The following MTHFS variants were observed in gnomAD, a reference collection of about 807,000 sequenced individuals.
MTHFS encodes the protein methenyltetrahydrofolate synthetase.
Under a neutral mutation model 12.7 loss-of-function variants are expected in MTHFS, and 7 were observed. The ratio of observed to expected loss-of-function variants is 0.55; its 90% confidence interval spans 0.31 to 1.03. The LOEUF (loss-of-function observed/expected upper bound fraction) is 1.03. Among genes scored for constraint, MTHFS ranks in the 50% least tolerant of loss-of-function variants. The pLI, the probability that MTHFS is intolerant of heterozygous loss-of-function variation, is 0.05. For missense variants in MTHFS, 252 were observed against 258.1 expected (o/e 0.98, Z 0.16); for synonymous variants, 100 against 97.1 (o/e 1.03, Z -0.18).
intron 2 of MTHFS, among the ~76,000 whole-genome samples, chr15:79,866,240 T>G (rs2034008742): frequency 6.6e-6 from 1 of 152,178 alleles, no homozygotes; most frequent in Non-Finnish European, 1.5e-5. Flanking sequence ...AGAAGATAAC[T>G]ATTTGAGTTC....
intron 2 of MTHFS, among the ~76,000 whole-genome samples, chr15:79,851,931 T>C (rs912958056): frequency 1.3e-5 from 2 of 152,220 alleles, no homozygotes; most frequent in Non-Finnish European, 2.9e-5. Context: ...GCACTACCAC[T>C]TATTAGCTAT....
In MTHFS at chr15:79,844,652, A is replaced by G. The variant is rs945015447; in HGVS notation, c.*558T>C. Among the ~76,000 whole-genome samples, 1 of 152,212 alleles carries G rather than the reference A, an allele frequency of 6.6e-6. No homozygotes were observed. The highest frequency in any genetic ancestry group is 6.5e-5 in the Admixed American group (1 of 15,286). Reference sequence around the variant, plus strand: ...TCAGTGGAGTAAAAGTATTTAAATCATAAAAGGTTTCCCTCCACTAACCAC... The same window carrying G: ...TCAGTGGAGTAAAAGTATTTAAATCGTAAAAGGTTTCCCTCCACTAACCAC... On this transcript the variant is annotated 3_prime_UTR_variant, in exon 3 of 3. Transcript: ENST00000258874.
chr15:79,872,485 G>A (rs1596073433), intron 2 of MTHFS, among the ~76,000 whole-genome samples: 1 of 152,236 alleles, frequency 6.6e-6, no homozygotes, highest in Non-Finnish European at 1.5e-5. Context: ...GTGAGCCTTT[G>A]ACTGAACAGT....
At chr15:79,849,600 C>T (rs985815368) in intron 2 of MTHFS, among the ~76,000 whole-genome samples, 2 of 152,190 alleles carry the variant, frequency 1.3e-5, no homozygotes, top group African/African-American at 4.8e-5. Flanking sequence ...AGAAGAAAAA[C>T]CTTAGTCCGT....
chr15:79,895,580 G>A (rs2034553568), intron 1 of MTHFS, among the ~76,000 whole-genome samples: 1 of 152,130 alleles, frequency 6.6e-6, no homozygotes, highest in South Asian at 2.1e-4. Flanking sequence ...AGATAGTAAG[G>A]ACAAGAGTCT....
At chr15:79,881,919 G>C (rs1289642765) in intron 2 of MTHFS, among the ~76,000 whole-genome samples, 2 of 152,150 alleles carry the variant, frequency 1.3e-5, no homozygotes, top group Admixed American at 1.3e-4. Context: ...AAACAAAGAA[G>C]ATGAAGCAAG....
intron 2 of MTHFS, among the ~76,000 whole-genome samples, chr15:79,856,860 A>C (rs1221656480): frequency 6.6e-6 from 1 of 152,174 alleles, no homozygotes; most frequent in African/African-American, 2.4e-5. Context: ...CATTCATGTG[A>C]GGGTGTACTC....
At chr15:79,866,046 GT>G (rs34470808) in intron 2 of MTHFS, among the ~76,000 whole-genome samples, 77,128 of 146,258 alleles carry the variant, frequency 0.53, 20,254 homozygotes, top group South Asian at 0.58. Flanking sequence ...AATTTTATAA[GT>G]TTTTTTTTTT....
intron 1 of MTHFS, among the ~76,000 whole-genome samples, chr15:79,892,374 A>G (rs149825515): frequency 6.6e-6 from 1 of 152,316 alleles, no homozygotes; most frequent in East Asian, 1.9e-4. Context: ...AGACGATGAA[A>G]AAGAATCTAT....
chr15:79,882,745 A>C (rs1023215330), intron 2 of MTHFS, among the ~76,000 whole-genome samples: 5 of 152,190 alleles, frequency 3.3e-5, no homozygotes, highest in Admixed American at 2.0e-4. Context: ...ACAGCTCCCA[A>C]TTCAGGTGTA....
At chr15:79,845,672 C>A (rs1247954906) in intron 2 of MTHFS, among the ~76,000 whole-genome samples, 1 of 152,292 alleles carries the variant, frequency 6.6e-6, no homozygotes, top group South Asian at 2.1e-4. Context: ...TATATCTGTA[C>A]AAAAGTGCCA....
chr15:79,858,723 C>T (rs1347482441), intron 2 of MTHFS, among the ~76,000 whole-genome samples: 1 of 152,128 alleles, frequency 6.6e-6, no homozygotes, highest in Non-Finnish European at 1.5e-5. Context: ...CATAAATAGC[C>T]TTTAAAAACC....
In MTHFS at chr15:79,862,900, A is replaced by T. The variant is rs1180714300; in HGVS notation, c.380-17458T>A. 2.6e-5 allele frequency among the ~76,000 whole-genome samples: 4 copies of T among 152,234 alleles called. No individual in the cohort carries two copies. In the East Asian group the frequency reaches 5.8e-4, roughly 22 times the overall value. ...ATCCCTGTTTGTAATATCAGGGCAC[A>T]CCCCAAGACCATACTCTGGCAAGTC... On this transcript the variant is annotated intron_variant, in intron 2 of 2. Transcript: ENST00000258874.
At chr15:79,851,663 A>G (rs2033719051) in intron 2 of MTHFS, among the ~76,000 whole-genome samples, 1 of 152,196 alleles carries the variant, frequency 6.6e-6, no homozygotes, top group Non-Finnish European at 1.5e-5. Context: ...CCCATTTCAC[A>G]AAAGAATAAA....
intron 2 of MTHFS, among the ~76,000 whole-genome samples, chr15:79,864,547 C>CAAA (rs58698908): frequency 0.014 from 929 of 64,472 alleles, 117 homozygotes; most frequent in African/African-American, 0.02. Flanking sequence ...TCCATCTCAA[C>CAAA]AAAAAAAAAA....
In MTHFS at chr15:79,844,923, T is replaced by C. The variant is rs913639450; in HGVS notation, c.*287A>G. On this transcript the variant is annotated 3_prime_UTR_variant, in exon 3 of 3. Coordinates refer to ENST00000258874, the MANE Select transcript of MTHFS (RefSeq NM_006441.4). The stretch of plus-strand genomic sequence containing the variant: ...TCGGAGCACAGTTCCTCATAAATAT[T>C]TAACTTAAATTGCAAAGTAGACAGA... The C allele has an allele frequency of 1.2e-5, 5 of 418,242 alleles. No individual in the cohort carries two copies. Among genetic ancestry groups the C allele is most frequent in the African/African-American group, 1.0e-4 (5 of 49,550 alleles). 25.9% of individuals were successfully genotyped at this position (418,242 alleles called of 1,614,324 possible).
intron 2 of MTHFS, among the ~76,000 whole-genome samples, chr15:79,849,998 TA>T (rs747270257): frequency 1.2e-4 from 18 of 152,268 alleles, no homozygotes; most frequent in Non-Finnish European, 1.9e-4. Context: ...ATGTGGTGAT[TA>T]GGGGCATGGG....
chr15:79,892,756 T>C (rs544540009), intron 1 of MTHFS, among the ~76,000 whole-genome samples: 2 of 151,078 alleles, frequency 1.3e-5, no homozygotes, highest in Admixed American at 6.6e-5. Context: ...GTCGAGACCA[T>C]CCTGGCCAAC....
chr15:79,884,813 C>A (rs1380570284), intron 2 of MTHFS, among the ~76,000 whole-genome samples: 1 of 152,186 alleles, frequency 6.6e-6, no homozygotes, highest in Non-Finnish European at 1.5e-5. Context: ...AAAAGTTGAA[C>A]AGGACAGCTC....
Sources: allele counts gnomAD v4.1 joint callset (sites outside exome capture counted in the v4.1 genomes callset), GRCh38; gene constraint gnomAD v4.1.1; transcripts MANE v1.5; gene names NCBI Gene and HGNC (gene_info 2026-07-23, HGNC 2026-07-21).